The following RFC3 variants were observed in gnomAD, a reference collection of about 807,000 sequenced individuals.
RFC3 encodes A1 38 kDa subunit.
RFC3 carries 41 observed loss-of-function variants against 45.1 expected under a neutral mutation model. The ratio of observed to expected loss-of-function variants is 0.91; its 90% CI spans 0.71 to 1.18. The LOEUF (loss-of-function observed/expected upper bound fraction) is 1.18. Among genes scored for constraint, RFC3 ranks in the 50% most tolerant of loss-of-function variants. RFC3 has a pLI of 0.00. For synonymous variants in RFC3, 149 were observed against 144.0 expected, an observed-to-expected ratio of 1.03 and a Z score of -0.25; for missense variants, 423 against 428.1, an observed-to-expected ratio of 0.99 and a Z score of 0.10.
chr13:33,840,692 G>C (rs1431971000), downstream of RFC3, among the ~76,000 whole-genome samples: 1 of 114,102 alleles, frequency 8.8e-6, no homozygotes, highest in Non-Finnish European at 1.9e-5. Context: ...TTTATACGTA[G>C]TTTTTTTTTC....
At chr13:33,860,584 T>G (rs180855250) in intron 8 of RFC3, among the ~76,000 whole-genome samples, 397 of 152,278 alleles carry the variant, frequency 2.6e-3, no homozygotes, top group African/African-American at 9.0e-3. Flanking sequence ...CCTCGGCTTT[T>G]TAATGTGACA....
intron 6 of RFC3, 55 bp from the exon 7 acceptor site, chr13:33,831,201 T>A: frequency 4.4e-6 from 5 of 1,128,406 alleles, no homozygotes; most frequent in Non-Finnish European, 6.7e-6. Flanking sequence ...GACTCCTGTT[T>A]TAGGACATAA....
chr13:33,961,367 T>A (rs143603901), intron 8 of RFC3, among the ~76,000 whole-genome samples: 56 of 152,334 alleles, frequency 3.7e-4, no homozygotes, highest in Non-Finnish European at 5.6e-4. Flanking sequence ...CTATGTCTAG[T>A]AATTTATTTA....
intron 8 of RFC3, among the ~76,000 whole-genome samples, chr13:33,929,417 TTTAA>T (rs1266713182): frequency 6.6e-6 from 1 of 152,158 alleles, no homozygotes; most frequent in African/African-American, 2.4e-5. Context: ...TTTATAGAGA[TTTAA>T]TTAACACTAA....
At chr13:33,937,706 G>A (rs556385325) in intron 8 of RFC3, among the ~76,000 whole-genome samples, 11 of 152,238 alleles carry the variant, frequency 7.2e-5, no homozygotes, top group Admixed American at 2.6e-4. Flanking sequence ...GGTGTAGCCG[G>A]ACTCCTTATC....
At chr13:33,895,854 G>T (rs60059253) in intron 8 of RFC3, among the ~76,000 whole-genome samples, 9,949 of 152,108 alleles carry the variant, frequency 0.065, 492 homozygotes, top group African/African-American at 0.14. Context: ...AATGTCTTTT[G>T]CAGCAACTTG....
chr13:33,959,901 A>G (rs1236289321), intron 8 of RFC3, among the ~76,000 whole-genome samples: 1 of 152,144 alleles, frequency 6.6e-6, no homozygotes, highest in African/African-American at 2.4e-5. Context: ...CGCCGGCATC[A>G]CTCAGCTTCT....
intron 8 of RFC3, chr13:33,849,119 G>A (rs1188836233): frequency 6.6e-6 from 1 of 152,412 alleles, no homozygotes; most frequent in Admixed American, 6.5e-5. Context: ...TCTATGTCAT[G>A]TGTGCTGTGG....
chr13:33,890,286 A>G (rs2082555402), intron 8 of RFC3, among the ~76,000 whole-genome samples: 1 of 152,180 alleles, frequency 6.6e-6, no homozygotes, highest in East Asian at 1.9e-4. Context: ...CAGAGCCTAC[A>G]CCAATTTTCC....
At chr13:33,925,073 C>CTA (rs1362546981) in intron 8 of RFC3, among the ~76,000 whole-genome samples, 1 of 140,258 alleles carries the variant, frequency 7.1e-6, no homozygotes, top group Non-Finnish European at 1.5e-5. Flanking sequence ...ATATAGTGTA[C>CTA]TATATACACG....
intron 8 of RFC3, among the ~76,000 whole-genome samples, chr13:33,866,787 C>G (rs750410564): frequency 3.9e-5 from 6 of 152,138 alleles, no homozygotes; most frequent in Non-Finnish European, 7.3e-5. Flanking sequence ...TGGCTCTAAT[C>G]TAGACTAATT....
At chr13:33,850,892 C>A (rs2082272351) in intron 8 of RFC3, 1 of 152,004 alleles carries the variant, frequency 6.6e-6, no homozygotes, top group South Asian at 2.1e-4. Context: ...ATACATTGAT[C>A]AAAATTAGAA....
At chr13:33,849,401 ATCTGT>A (rs1454483742) in intron 8 of RFC3, 1 of 152,196 alleles carries the variant, frequency 6.6e-6, no homozygotes, top group Non-Finnish European at 1.5e-5. Flanking sequence ...AAAGGTCCTG[ATCTGT>A]AGTGTTTGCA....
At chr13:33,923,301 C>T (rs1306608257) in intron 8 of RFC3, among the ~76,000 whole-genome samples, 1 of 152,018 alleles carries the variant, frequency 6.6e-6, no homozygotes, top group Non-Finnish European at 1.5e-5. Flanking sequence ...TGAAGCCTTT[C>T]CTTTACTTAG....
Position 33,831,356 on chromosome 13 carries a change from T to A in RFC3, c.809+2T>A, listed in dbSNP as rs1427036228. The A allele has an allele frequency of 2.0e-6, 3 of 1,533,328 alleles. No individual in the cohort carries two copies. Among genetic ancestry groups the A allele is most frequent in the Non-Finnish European group, 2.7e-6 (3 of 1,106,678 alleles). The allele number at this position is 1,533,328 out of a possible 1,614,324, so 95.0% of individuals were successfully genotyped here. A position where few individuals can be genotyped will look rare whatever the true frequency, so the allele number is the denominator to read the frequency against. ...TGTCAGTCAGCAAACTCCACAAAGGTACCAGTATAAAATGATGACAGTAAA... is the reference window on the plus strand; with the variant it reads ...TGTCAGTCAGCAAACTCCACAAAGGAACCAGTATAAAATGATGACAGTAAA... On this transcript the variant is annotated splice_donor_variant, in intron 7 of 8. Transcript: ENST00000380071. LOFTEE classifies it high-confidence loss of function.
chr13:33,900,693 T>C (rs987768960), intron 8 of RFC3, among the ~76,000 whole-genome samples: 4 of 151,794 alleles, frequency 2.6e-5, no homozygotes, highest in African/African-American at 9.7e-5. Context: ...TGGGATTACA[T>C]CAAGTTAAAA....
intron 8 of RFC3, among the ~76,000 whole-genome samples, chr13:33,890,000 T>C (rs1484761061): frequency 2.0e-5 from 3 of 152,156 alleles, no homozygotes; most frequent in African/African-American, 7.2e-5. Flanking sequence ...TGGTGGTCAA[T>C]AGGTTCAACG....
chr13:33,832,096 G>T (rs1327479497), intron 7 of RFC3, among the ~76,000 whole-genome samples: 2 of 152,168 alleles, frequency 1.3e-5, no homozygotes, highest in Admixed American at 6.5e-5. Flanking sequence ...GCTGCTAGTT[G>T]TTTGACTTAT....
chr13:33,963,422 T>TTATATTTATAAAACTTAAAACTACC (rs2083069357), intron 8 of RFC3, among the ~76,000 whole-genome samples: 1 of 152,182 alleles, frequency 6.6e-6, no homozygotes, highest in Non-Finnish European at 1.5e-5. Context: ...ACAGTTTGTG[T>TTATATTTATAAAACTTAAAACTACC]TATATTTATA....
Sources: allele counts gnomAD v4.1 joint callset (sites outside exome capture counted in the v4.1 genomes callset), GRCh38; gene constraint gnomAD v4.1.1; transcripts MANE v1.5; gene names NCBI Gene and HGNC (gene_info 2026-07-23, HGNC 2026-07-21).